SHPRH: variants seen among roughly 807,000 people sequenced by gnomAD.
SHPRH encodes the protein E3 ubiquitin-protein ligase SHPRH.
SHPRH carries 106 observed loss-of-function variants against 202.5 expected under a neutral mutation model. The ratio of observed to expected loss-of-function variants is 0.52; its 90% confidence interval spans 0.45 to 0.62. The LOEUF (loss-of-function observed/expected upper bound fraction) is 0.62. Among genes scored for constraint, SHPRH ranks in the 20% least tolerant of loss-of-function variants. SHPRH has a pLI of 0.00. For missense variants in SHPRH, 1,710 were observed against 2,020.0 expected, an observed-to-expected ratio of 0.85 and a Z score of 2.94; for synonymous variants, 729 against 686.0, an observed-to-expected ratio of 1.06 and a Z score of -0.98.
rs1380806196 is a variant in SHPRH, at chr6:145,963,748, G to A, written c.-50C>T. On this transcript the variant is annotated 5_prime_UTR_variant, in exon 1 of 30. Transcript: ENST00000275233. ...GTACCCACTCAGTTATCTTCCGAAA[G>A]ACCCACAAGCGGCTCCCGGAGTCTG... 2.0e-5 allele frequency: 3 copies of A among 152,074 alleles called. No homozygotes were observed. Among genetic ancestry groups the A allele is most frequent in the Non-Finnish European group, 4.4e-5 (3 of 68,014 alleles). 9.4% of individuals were successfully genotyped at this position (152,074 alleles called of 1,614,324 possible).
Position 145,945,566 on chromosome 6 carries a change from A to G in SHPRH, c.1393T>C (p.Tyr465His). Residue 465 changes from tyrosine to histidine, a missense_variant, in exon 8 of 30, where the codon TAT becomes CAT. Physicochemically the swap from Tyr to His is moderately conservative, Grantham distance 83. Coordinates refer to ENST00000275233, the MANE Select transcript of SHPRH (RefSeq NM_001042683.3). Reference protein sequence around the residue: ...GKKGVSILSIYKYVSSIYRYD... With the variant: ...GKKGVSILSIHKYVSSIYRYD... The stretch of plus-strand genomic sequence containing the variant: ...CTATATATAGAACTGACATACTTAT[A>G]GATGGAAAGGATGGACACTCCTTTT... The G allele has an allele frequency of 6.2e-7, 1 of 1,613,064 alleles. No homozygotes were observed. Among genetic ancestry groups the G allele is most frequent in the Admixed American group, 1.7e-5 (1 of 59,860 alleles).
At chr6:145,923,458 T>C (rs1173730108) in intron 18 of SHPRH, among the ~76,000 whole-genome samples, 185 bp downstream of exon 18, 3 of 151,764 alleles carry the variant, frequency 2.0e-5, no homozygotes, top group Admixed American at 2.0e-4. Flanking sequence ...CCAATTATAG[T>C]ACCTATAACC....
chr6:145,931,613 G>A (rs1004831063), intron 14 of SHPRH, among the ~76,000 whole-genome samples: 2 of 152,082 alleles, frequency 1.3e-5, no homozygotes, highest in Admixed American at 6.6e-5. Context: ...TGGGATTACA[G>A]GCACAAGCCA....
At chr6:145,914,080 T>C (rs2128741417) in intron 23 of SHPRH, among the ~76,000 whole-genome samples, 1 of 152,294 alleles carries the variant, frequency 6.6e-6, no homozygotes, top group Non-Finnish European at 1.5e-5. Flanking sequence ...TTTTTACATA[T>C]AATAAATCAC....
chr6:145,929,743 T>A lies in SHPRH; in HGVS notation c.3113-2466A>T, dbSNP rs138649438. Among the ~76,000 whole-genome samples the A allele has an allele frequency of 5.1e-3, 773 of 152,100 alleles. 4 individuals are homozygous for A. The highest frequency in any genetic ancestry group is 0.017 in the Middle Eastern group (5 of 294). On this transcript the variant is annotated intron_variant, in intron 14 of 29. Transcript: ENST00000275233. ...CTAGGGAATGCCCTAGAGGGAAGAT[T>A]TGCACACAAAGTTACGTGTACTATA...
At chr6:145,877,212 AT>A (rs1373617270) in intron 2 of SHPRH, among the ~76,000 whole-genome samples, 1 of 152,200 alleles carries the variant, frequency 6.6e-6, no homozygotes, top group African/African-American at 2.4e-5. Context: ...CTAGGTGTAC[AT>A]TTAACTATTT....
chr6:145,887,933 G>A (rs1306393493), intron 29 of SHPRH, 87 bp downstream of exon 29: 6 of 1,028,174 alleles, frequency 5.8e-6, no homozygotes, highest in Middle Eastern at 2.1e-4. Context: ...TATATTTTTC[G>A]TTGTCATCTA....
intron 11 of SHPRH, among the ~76,000 whole-genome samples, chr6:145,937,416 A>G (rs1786232598): frequency 6.6e-6 from 1 of 152,142 alleles, no homozygotes; most frequent in Admixed American, 6.5e-5. Flanking sequence ...TGTTATCTTT[A>G]GGACAAACCT....
chr6:145,939,989 T>C (rs1409577127), intron 11 of SHPRH, among the ~76,000 whole-genome samples: 1 of 152,166 alleles, frequency 6.6e-6, no homozygotes, highest in Non-Finnish European at 1.5e-5. Flanking sequence ...AACTACACTT[T>C]AATAACAACT....
intron 11 of SHPRH, among the ~76,000 whole-genome samples, chr6:145,936,379 G>A (rs767411658): frequency 1.2e-4 from 18 of 152,088 alleles, no homozygotes; most frequent in Admixed American, 2.6e-4. Context: ...GCCCAGGCTC[G>A]AGTGCAGTGG....
intron 25 of SHPRH, among the ~76,000 whole-genome samples, chr6:145,902,360 G>T (rs1015307652): frequency 1.3e-5 from 2 of 152,086 alleles, no homozygotes; most frequent in Non-Finnish European, 2.9e-5. Context: ...AGTTAAATCT[G>T]ATTGGAATAA....
rs139068942 is a variant in SHPRH at position 145,867,669 on chromosome 6, G to GAA, written c.222-3179_222-3178insTT. ...AGAGAGAGAGAGAGAGAGAGAGAGA[G>GAA]AGAGGTGAAGGAAGATTTGACACAG... On this transcript the variant is annotated intron_variant, in intron 2 of 2. Coordinates refer to the SHPRH transcript ENST00000417762. Among the ~76,000 whole-genome samples the GAA allele has an allele frequency of 6.2e-3, 857 of 138,532 alleles. 1 individual carries two copies. The highest frequency in any genetic ancestry group is 0.014 in the South Asian group (56 of 4,110). 90.9% of individuals were successfully genotyped at this position (138,532 alleles called of 152,430 possible).
At chr6:145,924,062 T>C (rs1562326162) in intron 17 of SHPRH, among the ~76,000 whole-genome samples, 1 of 151,742 alleles carries the variant, frequency 6.6e-6, no homozygotes, top group Admixed American at 6.6e-5. Context: ...CTAAAAAAAC[T>C]GTTTACGCCA....
chr6:145,924,871 C>T (rs771251048), intron 16 of SHPRH, 25 bp from the exon 17 acceptor site: 1 of 1,552,898 alleles, frequency 6.4e-7, no homozygotes, highest in East Asian at 2.3e-5. Flanking sequence ...AGAATATAAA[C>T]TTTCACTCCC....
chr6:145,951,971 CT>C lies in SHPRH; in HGVS notation c.763+377del, dbSNP rs753557214. On this transcript the variant is annotated intron_variant, in intron 3 of 29. Transcript: ENST00000275233. ...TTATCTGGTCTTTATGGGAACCAGG[CT>C]TTTGAAATTATTTGTCAGACTGCAA... is the stretch of plus-strand genomic sequence containing the variant. The C allele has an allele frequency of 5.3e-4, 233 of 440,990 alleles. 1 individual carries two copies. The highest frequency in any genetic ancestry group is 1.7e-3 in the Middle Eastern group (5 of 2,998). The allele number at this position is 440,990 out of a possible 1,614,324, so 27.3% of individuals were successfully genotyped here. A position where few individuals can be genotyped will look rare whatever the true frequency, so the allele number is the denominator to read the frequency against.
At chr6:145,944,441 G>A (rs945639528) in intron 8 of SHPRH, among the ~76,000 whole-genome samples, 1 of 152,084 alleles carries the variant, frequency 6.6e-6, no homozygotes, top group Non-Finnish European at 1.5e-5. Context: ...CAACATAGTG[G>A]GAGTATGATA....
intron 13 of SHPRH, among the ~76,000 whole-genome samples, chr6:145,934,214 G>A (rs1785786841): frequency 6.6e-6 from 1 of 151,982 alleles, no homozygotes; most frequent in Non-Finnish European, 1.5e-5. Context: ...GCTCACGCCT[G>A]TAATCCCAGC....
the SHPRH span, among the ~76,000 whole-genome samples, chr6:145,858,925 C>T: frequency 1.3e-5 from 2 of 151,918 alleles, no homozygotes; most frequent in African/African-American, 2.4e-5. Flanking sequence ...CATGACTGGG[C>T]GGATAGAAAT....
At chr6:145,927,570 G>A (rs1429249103) in intron 14 of SHPRH, among the ~76,000 whole-genome samples, 1 of 151,474 alleles carries the variant, frequency 6.6e-6, no homozygotes, top group African/African-American at 2.4e-5. Flanking sequence ...TTGAGATTAT[G>A]CTATTGGATA....
Sources: gnomAD v4.1 joint callset for allele counts (sites outside exome capture counted in the v4.1 genomes callset) on GRCh38, gnomAD v4.1.1 for gene constraint, MANE v1.5 for transcripts, NCBI Gene and HGNC (gene_info 2026-07-23, HGNC 2026-07-21) for gene names.